Variants in VWA8 observed in about 807,000 individuals in gnomAD.
VWA8 encodes the protein von Willebrand factor A domain containing 8.
VWA8 carries 221 observed loss-of-function variants against 241.5 expected under a neutral mutation model. That is an observed-to-expected ratio of 0.91 (90% CI 0.82 to 1.02). The LOEUF (loss-of-function observed/expected upper bound fraction) is 1.02, where lower values mean the gene tolerates loss of function less well. VWA8 is among the 50% of genes least tolerant of loss of function. The pLI, the probability that VWA8 is intolerant of heterozygous loss-of-function variation, is 0.00. For missense variants in VWA8, 2,322 were observed against 2,328.7 expected, an observed-to-expected ratio of 1.00 and a Z score of 0.06; for synonymous variants, 852 against 827.1, an observed-to-expected ratio of 1.03 and a Z score of -0.52.
chr13:41,751,906 C>T (rs1052406132), intron 21 of VWA8, among the ~76,000 whole-genome samples: 1 of 152,054 alleles, frequency 6.6e-6, no homozygotes, highest in Non-Finnish European at 1.5e-5. Flanking sequence ...GGGAGCTTGA[C>T]CTGGAAGTTT....
intron 42 of VWA8, among the ~76,000 whole-genome samples, chr13:41,582,284 G>T (rs562998607): frequency 2.0e-5 from 3 of 152,262 alleles, no homozygotes; most frequent in Admixed American, 6.5e-5. Flanking sequence ...AATAGAGGCT[G>T]ACTCCAAATG....
chr13:41,842,209 T>C (rs1593810262), intron 12 of VWA8, among the ~76,000 whole-genome samples: 1 of 152,142 alleles, frequency 6.6e-6, no homozygotes, highest in East Asian at 1.9e-4. Context: ...ATGAAGCCAT[T>C]ATTTCTGGAA....
rs146618447 is a variant in VWA8 at position 41,853,673 on chromosome 13, C to T, written c.1425+12063G>A. 2.6e-4 allele frequency among the ~76,000 whole-genome samples: 39 copies of T among 152,172 alleles called. No homozygotes were observed. In the South Asian group the frequency reaches 5.6e-3, roughly 22 times the overall value. ...ATTCAGTTTGTTGATGTATAGTAGT[C>T]TCATGAGCCTTTGTATTTCTGTGCT... On this transcript the variant is annotated intron_variant, in intron 12 of 44. Coordinates refer to ENST00000379310, the MANE Select transcript of VWA8 (RefSeq NM_015058.2).
At chr13:41,675,576 T>TA (rs148045609) in intron 35 of VWA8, among the ~76,000 whole-genome samples, 4,993 of 152,200 alleles carry the variant, frequency 0.033, 272 homozygotes, top group African/African-American at 0.11. Context: ...ACAGTTTTTT[T>TA]AAAAAATATT....
At chr13:41,841,820 AATATATATATATATATATATAT>A (rs1242263993) in intron 12 of VWA8, among the ~76,000 whole-genome samples, 7 of 22,218 alleles carry the variant, frequency 3.2e-4, no homozygotes, top group South Asian at 1.7e-3. Flanking sequence ...AAAAAAAAAA[AATATATATATATATATATATAT>A]ATATATATAT....
chr13:41,704,941 T>C (rs1593708330), intron 26 of VWA8, among the ~76,000 whole-genome samples: 2 of 152,164 alleles, frequency 1.3e-5, no homozygotes, highest in South Asian at 4.1e-4. Context: ...AAGAACACGT[T>C]TATATTTAGA....
At chr13:41,888,728 T>G (rs1194622893) in intron 5 of VWA8, among the ~76,000 whole-genome samples, 1 of 152,238 alleles carries the variant, frequency 6.6e-6, no homozygotes, top group Non-Finnish European at 1.5e-5. Context: ...CATGACTGTC[T>G]CATGCTAGCT....
intron 40 of VWA8, among the ~76,000 whole-genome samples, chr13:41,604,092 T>C (rs1320971426): frequency 6.6e-6 from 1 of 152,158 alleles, no homozygotes; most frequent in East Asian, 1.9e-4. Context: ...CTCCCATTAC[T>C]CTCACCTCCT....
At chr13:41,707,119 G>C (rs988275890) in intron 26 of VWA8, among the ~76,000 whole-genome samples, 2 of 152,142 alleles carry the variant, frequency 1.3e-5, no homozygotes, top group Non-Finnish European at 1.5e-5. Context: ...ATTTGAGCAA[G>C]TTACAGAAAG....
At chr13:41,575,333 G>C (rs921052409) in intron 43 of VWA8, among the ~76,000 whole-genome samples, 1 of 151,756 alleles carries the variant, frequency 6.6e-6, no homozygotes, top group African/African-American at 2.4e-5. Flanking sequence ...CGGGTGATGG[G>C]TACACTATCT....
chr13:41,791,653 G>C (rs1231183179), intron 17 of VWA8, among the ~76,000 whole-genome samples: 1 of 151,738 alleles, frequency 6.6e-6, no homozygotes, highest in African/African-American at 2.4e-5. Context: ...ATCATATACT[G>C]AATCTCCTTT....
chr13:41,619,277 T>C (rs536499905), intron 37 of VWA8, among the ~76,000 whole-genome samples: 2 of 152,376 alleles, frequency 1.3e-5, no homozygotes, highest in Admixed American at 1.3e-4. Context: ...GTTTGTCTGC[T>C]ATTGGTGTAT....
At chr13:41,640,150 G>A (rs2044786025) in intron 37 of VWA8, among the ~76,000 whole-genome samples, 1 of 152,156 alleles carries the variant, frequency 6.6e-6, no homozygotes, top group Non-Finnish European at 1.5e-5. Flanking sequence ...TAATTATCTA[G>A]AGTATTTCTC....
chr13:41,833,499 T>C lies in VWA8; in HGVS notation c.1458A>G (p.Arg486=), dbSNP rs1389028448. The change falls in exon 13 of 45, where the codon AGA becomes AGG. Residue 486 remains arginine (R), a synonymous_variant. Coordinates refer to ENST00000379310, the MANE Select transcript of VWA8 (RefSeq NM_015058.2). The part of the protein sequence containing the change: ...DMTARDLLQQ[R]YTLPNGDTAW... ...CAGTGTCTCCATTTGGAAGGGTGTA[T>C]CTCTGCTGTAGCAGATCACGCGCTG... The C allele has an allele frequency of 2.5e-6, 4 of 1,613,468 alleles. No individual in the cohort carries two copies. In the African/African-American group the frequency reaches 4.0e-5, roughly 16 times the overall value.
rs1187337662 is a variant in VWA8, at chr13:41,719,668, C to T, written c.3039G>A (p.Arg1013=). 1.9e-6 allele frequency: 3 copies of T among 1,613,094 alleles called. No individual in the cohort carries two copies. The highest frequency in any genetic ancestry group is 2.5e-6 in the Non-Finnish European group (3 of 1,179,462). ...TGTGTAAAGTGTTAATCAATATCTC[C>T]CTCATGTCATTGTTGTAGGAATCAA... ...FDFDSYNNDM[R]EILINTLHKY... is the part of the protein sequence containing the mutation. Residue 1013 remains arginine (R), a synonymous_variant, in exon 26 of 45, where the codon AGG becomes AGA. Coordinates refer to ENST00000379310, the MANE Select transcript of VWA8 (RefSeq NM_015058.2).
rs139685822 is a variant in VWA8, at chr13:41,882,981, T to A, written c.1080+406A>T. Among the ~76,000 whole-genome samples the A allele has an allele frequency of 5.9e-5, 9 of 152,312 alleles. No individual in the cohort carries two copies. The East Asian group carries it at 1.7e-3, about 29-fold the overall frequency. ...GTTCATATATATTGTTTAAAAAAAGTCATGATTCATAATAACACCAATTCC... is the reference window on the plus strand; with the variant it reads ...GTTCATATATATTGTTTAAAAAAAGACATGATTCATAATAACACCAATTCC... On this transcript the variant is annotated intron_variant, in intron 9 of 44. Coordinates refer to ENST00000379310, the MANE Select transcript of VWA8 (RefSeq NM_015058.2).
chr13:41,816,981 A>G (rs1215702293), intron 15 of VWA8, among the ~76,000 whole-genome samples: 1 of 152,206 alleles, frequency 6.6e-6, no homozygotes, highest in Non-Finnish European at 1.5e-5. Flanking sequence ...CTCTTTAAGA[A>G]TCAGGTAACT....
chr13:41,685,697 A>G (rs1268327937), intron 34 of VWA8, among the ~76,000 whole-genome samples: 2 of 152,188 alleles, frequency 1.3e-5, no homozygotes, highest in Non-Finnish European at 2.9e-5. Flanking sequence ...AATTACAACT[A>G]AACAGAAGAA....
In VWA8 at chr13:41,743,213, A is replaced by C. The variant is rs2045581060; in HGVS notation, c.2427-11058T>G. Reference sequence around the variant, plus strand: ...TTCTGAGCAGAAGAGCAAGTAATCAACTTTATTAGTAGAAACATGTAAGGC... The same window carrying C: ...TTCTGAGCAGAAGAGCAAGTAATCACCTTTATTAGTAGAAACATGTAAGGC... On this transcript the variant is annotated intron_variant, in intron 21 of 44. Transcript: ENST00000379310. 2.0e-5 allele frequency among the ~76,000 whole-genome samples: 3 copies of C among 152,202 alleles called. No homozygotes were observed. The South Asian group carries it at 6.2e-4, about 32-fold the overall frequency.
Sources: allele counts gnomAD v4.1 joint callset (sites outside exome capture counted in the v4.1 genomes callset), GRCh38; gene constraint gnomAD v4.1.1; transcripts MANE v1.5; gene names NCBI Gene and HGNC (gene_info 2026-07-23, HGNC 2026-07-21).